Variants in CSGALNACT1 observed in about 807,000 individuals in gnomAD.
CSGALNACT1 encodes the protein beta4GalNAcT-1.
A neutral mutation model predicts 51.0 loss-of-function variants in CSGALNACT1; 52 were observed. That is an observed-to-expected ratio of 1.02 (90% confidence interval 0.82 to 1.29). CSGALNACT1 has a LOEUF of 1.29. Ranked by LOEUF, CSGALNACT1 falls within the 50% of genes most tolerant of loss-of-function variation. The probability of loss-of-function intolerance (pLI) is 0.00; values close to 1 mark genes in which losing one functional copy is unlikely to be tolerated. For synonymous variants in CSGALNACT1, 341 were observed against 254.4 expected (o/e 1.34, Z -3.24); for missense variants, 935 against 679.2 (o/e 1.38, Z -4.19).
chr8:19,674,041 A>C (rs770080027), intron 1 of CSGALNACT1, among the ~76,000 whole-genome samples: 4 of 152,258 alleles, frequency 2.6e-5, no homozygotes, highest in Admixed American at 6.5e-5. Context: ...TCATCCCAAC[A>C]CTTTGGGAGG....
At chr8:19,705,808 G>A (rs2062128530) in intron 1 of CSGALNACT1, among the ~76,000 whole-genome samples, 1 of 152,100 alleles carries the variant, frequency 6.6e-6, no homozygotes, top group Non-Finnish European at 1.5e-5. Flanking sequence ...ATGAATAGAT[G>A]TTTAATATAT....
intron 8 of CSGALNACT1, among the ~76,000 whole-genome samples, chr8:19,414,374 T>G (rs1340067270): frequency 6.6e-6 from 1 of 152,208 alleles, no homozygotes; most frequent in Non-Finnish European, 1.5e-5. Flanking sequence ...CTGGCAAAGC[T>G]TGAACCAGGA....
At chr8:19,712,007 G>A (rs374403352) in intron 1 of CSGALNACT1, among the ~76,000 whole-genome samples, 3 of 152,212 alleles carry the variant, frequency 2.0e-5, no homozygotes, top group South Asian at 2.1e-4. Context: ...TGGTGAAGCC[G>A]GGGTTAGAAC....
chr8:19,736,980 G>A (rs1353609815), intron 1 of CSGALNACT1, among the ~76,000 whole-genome samples: 1 of 151,756 alleles, frequency 6.6e-6, no homozygotes, highest in Non-Finnish European at 1.5e-5. Flanking sequence ...AAAGGAGAGA[G>A]TAGAGATAGG....
intron 3 of CSGALNACT1, among the ~76,000 whole-genome samples, chr8:19,532,786 G>A (rs1283597698): frequency 3.3e-5 from 5 of 152,134 alleles, no homozygotes; most frequent in Non-Finnish European, 7.3e-5. Context: ...TACAGAGAGC[G>A]AGGAGTCACC....
chr8:19,693,087 A>G (rs577538210), intron 1 of CSGALNACT1, among the ~76,000 whole-genome samples: 1 of 152,050 alleles, frequency 6.6e-6, no homozygotes, highest in Non-Finnish European at 1.5e-5. Context: ...TCATTTGCCT[A>G]TTTGCTCTTT....
chr8:19,509,992 C>T (rs1053159346), intron 3 of CSGALNACT1, among the ~76,000 whole-genome samples: 4 of 152,022 alleles, frequency 2.6e-5, no homozygotes, highest in African/African-American at 9.7e-5. Context: ...AGCAAGGAGT[C>T]CCTGTCAACA....
chr8:19,454,911 T>A (rs2063808240), intron 5 of CSGALNACT1, among the ~76,000 whole-genome samples: 1 of 152,238 alleles, frequency 6.6e-6, no homozygotes, highest in Non-Finnish European at 1.5e-5. Flanking sequence ...GTTCAGCAAA[T>A]CCTTTATTAT....
intron 1 of CSGALNACT1, among the ~76,000 whole-genome samples, chr8:19,702,263 A>G (rs2061921688): frequency 6.6e-6 from 1 of 151,992 alleles, no homozygotes; most frequent in Non-Finnish European, 1.5e-5. Flanking sequence ...AATGGCTCAC[A>G]CCTGTAATCC....
chr8:19,516,608 C>T (rs1428695061), intron 3 of CSGALNACT1, among the ~76,000 whole-genome samples: 1 of 152,240 alleles, frequency 6.6e-6, no homozygotes, highest in East Asian at 1.9e-4. Context: ...CAAATAATCC[C>T]CATCCCGGTG....
intron 1 of CSGALNACT1, among the ~76,000 whole-genome samples, chr8:19,756,445 C>A (rs985878768): frequency 6.6e-6 from 1 of 152,186 alleles, no homozygotes; most frequent in African/African-American, 2.4e-5. Flanking sequence ...TCCTTTCTCA[C>A]CATTCTTTGC....
intron 1 of CSGALNACT1, among the ~76,000 whole-genome samples, chr8:19,674,585 G>A (rs780280445): frequency 3.9e-5 from 6 of 152,270 alleles, no homozygotes; most frequent in South Asian, 2.1e-4. Flanking sequence ...CCCTACCACC[G>A]CAGAAGTCAC....
At chr8:19,712,404 A>C (rs1225494779) in intron 1 of CSGALNACT1, among the ~76,000 whole-genome samples, 1 of 152,162 alleles carries the variant, frequency 6.6e-6, no homozygotes, top group African/African-American at 2.4e-5. Flanking sequence ...GGATGGAAGT[A>C]CCTAGAGATT....
chr8:19,517,927 A>G (rs191310583), intron 3 of CSGALNACT1, among the ~76,000 whole-genome samples: 204 of 152,288 alleles, frequency 1.3e-3, no homozygotes, highest in Admixed American at 5.6e-3. Context: ...GCAAAAGTAG[A>G]TGCCCATGTA....
At chr8:19,654,105 C>T (rs1175532842) in intron 1 of CSGALNACT1, among the ~76,000 whole-genome samples, 1 of 152,220 alleles carries the variant, frequency 6.6e-6, no homozygotes, top group Non-Finnish European at 1.5e-5. Context: ...ACTGAAAACA[C>T]ACGAACTGAC....
intron 6 of CSGALNACT1, among the ~76,000 whole-genome samples, chr8:19,427,737 G>A (rs1048364645): frequency 7.2e-5 from 11 of 152,018 alleles, no homozygotes; most frequent in Admixed American, 1.3e-4. Context: ...GCCGTTAGCC[G>A]AGATCGCGCC....
At chr8:19,405,916 T>A in exon 10 of CSGALNACT1, 2 of 1,614,142 alleles carry the variant, frequency 1.2e-6, no homozygotes, top group Non-Finnish European at 1.7e-6. Flanking sequence ...CTTGTACTGC[T>A]CGGGGGTCAG....
At chr8:19,520,956 G>T (rs965657249) in intron 3 of CSGALNACT1, among the ~76,000 whole-genome samples, 2 of 152,186 alleles carry the variant, frequency 1.3e-5, no homozygotes, top group African/African-American at 2.4e-5. Context: ...ATCTACAGAG[G>T]TGCTTTCGCA....
In CSGALNACT1 at chr8:19,418,628, C is replaced by G. The variant is rs376108807; in HGVS notation, c.1227+28G>C. ...ATGACAGACACTAAACAGAGCCACA[C>G]AGAGCCATCTGCAGGGTAATTACTC... On this transcript the variant is annotated intron_variant, in intron 8 of 9. Transcript: ENST00000454498. 1.3e-4 allele frequency: 184 copies of G among 1,471,254 alleles called. 1 individual carries two copies. The highest frequency in any genetic ancestry group is 3.7e-5 in the Non-Finnish European group (39 of 1,050,156). The allele number at this position is 1,471,254 out of a possible 1,614,324, so 91.1% of individuals were successfully genotyped here.
Sources: gnomAD v4.1 joint callset for allele counts (sites outside exome capture counted in the v4.1 genomes callset) on GRCh38, gnomAD v4.1.1 for gene constraint, MANE v1.5 for transcripts, NCBI Gene and HGNC (gene_info 2026-07-23, HGNC 2026-07-21) for gene names.